The following LGR4 variants were observed in gnomAD, a reference collection of about 807,000 sequenced individuals.
LGR4 encodes the protein leucine rich repeat containing G protein-coupled receptor 4, also known as leucine-rich repeat-containing G protein-coupled receptor 4.
LGR4 carries 44 observed loss-of-function variants against 84.8 expected under a neutral mutation model. The ratio of observed to expected loss-of-function variants is 0.52; its 90% CI spans 0.41 to 0.67. The LOEUF (loss-of-function observed/expected upper bound fraction) is 0.67. Ranked by LOEUF, LGR4 falls within the 30% of genes least tolerant of loss-of-function variation. The pLI is 0.00. For missense variants in LGR4, 1,032 were observed against 1,131.4 expected, an observed-to-expected ratio of 0.91 and a Z score of 1.26; for synonymous variants, 429 against 434.3, an observed-to-expected ratio of 0.99 and a Z score of 0.15.
chr11:27,392,778 C>G (rs913898709), intron 2 of LGR4, among the ~76,000 whole-genome samples: 2 of 152,052 alleles, frequency 1.3e-5, no homozygotes, highest in Non-Finnish European at 2.9e-5. Context: ...GTCAAGCAAG[C>G]CAAAACACAT....
intron 1 of LGR4, among the ~76,000 whole-genome samples, chr11:27,419,074 C>T (rs1451863421): frequency 2.0e-5 from 3 of 152,010 alleles, no homozygotes; most frequent in African/African-American, 7.2e-5. Context: ...ACTTTAGTAC[C>T]TTTTAGGATA....
At chr11:27,373,914 C>T in intron 14 of LGR4, 61 bp downstream of exon 14, 1 of 1,196,688 alleles carries the variant, frequency 8.4e-7, no homozygotes, top group Non-Finnish European at 1.2e-6. Context: ...AATGTTAAAA[C>T]AGATGTTTCT....
chr11:27,398,205 G>A (rs16916967), intron 2 of LGR4, among the ~76,000 whole-genome samples: 4,921 of 152,254 alleles, frequency 0.032, 252 homozygotes, highest in African/African-American at 0.11. Context: ...GAAAATGCAG[G>A]AACTGCGCTG....
chr11:27,432,416 T>A (rs969114717), intron 1 of LGR4, among the ~76,000 whole-genome samples: 4 of 152,216 alleles, frequency 2.6e-5, no homozygotes, highest in African/African-American at 9.7e-5. Context: ...TACAGGAGAC[T>A]GGCTCACCTA....
chr11:27,428,984 A>G (rs3923010), intron 1 of LGR4, among the ~76,000 whole-genome samples: 66,900 of 151,980 alleles, frequency 0.44, 17,544 homozygotes, highest in African/African-American at 0.75. Flanking sequence ...AGTGTGTTGG[A>G]TCTGTTGGGT....
At chr11:27,450,418 A>G (rs1447803631) in intron 1 of LGR4, among the ~76,000 whole-genome samples, 2 of 152,168 alleles carry the variant, frequency 1.3e-5, no homozygotes, top group Non-Finnish European at 2.9e-5. Flanking sequence ...TTTCAATTCC[A>G]CAAACTTCCA....
At chr11:27,439,478 G>A (rs910636690) in intron 1 of LGR4, among the ~76,000 whole-genome samples, 2 of 152,172 alleles carry the variant, frequency 1.3e-5, no homozygotes, top group African/African-American at 4.8e-5. Context: ...ACCCATCAAT[G>A]GACATGTGGG....
intron 2 of LGR4, among the ~76,000 whole-genome samples, chr11:27,411,458 T>C (rs983995665): frequency 2.0e-5 from 3 of 151,950 alleles, no homozygotes; most frequent in African/African-American, 7.2e-5. Context: ...ACATTTGGTA[T>C]ATACTCTTCT....
intron 2 of LGR4, among the ~76,000 whole-genome samples, chr11:27,399,703 A>T (rs1433009844): frequency 6.6e-6 from 1 of 151,984 alleles, no homozygotes; most frequent in East Asian, 1.9e-4. Context: ...TACTTTTAGT[A>T]GAGACAGGTT....
chr11:27,429,389 G>A, intron 1 of LGR4, among the ~76,000 whole-genome samples: 1 of 151,990 alleles, frequency 6.6e-6, no homozygotes, highest in East Asian at 1.9e-4. Flanking sequence ...AGAGGCTGAG[G>A]CAGCAGAATC....
intron 1 of LGR4, among the ~76,000 whole-genome samples, chr11:27,467,460 C>T (rs1178076281): frequency 1.3e-5 from 2 of 150,822 alleles, no homozygotes; most frequent in African/African-American, 2.4e-5. Flanking sequence ...CCCAGCCACT[C>T]GGGAGGCTGA....
chr11:27,390,671 C>T (rs1863267272), intron 4 of LGR4, among the ~76,000 whole-genome samples: 1 of 152,026 alleles, frequency 6.6e-6, no homozygotes, highest in Non-Finnish European at 1.5e-5. Flanking sequence ...TTCATTTTTT[C>T]CGAGAAGTTC....
intron 1 of LGR4, among the ~76,000 whole-genome samples, chr11:27,455,061 G>A (rs1291370397): frequency 1.3e-5 from 2 of 151,884 alleles, no homozygotes; most frequent in African/African-American, 4.8e-5. Flanking sequence ...CTTTTTTCCA[G>A]GTCTCACTTT....
Position 27,372,337 on chromosome 11 carries a change from T to C in LGR4, c.1441A>G (p.Asn481Asp), listed in dbSNP as rs1244635679. Residue 481 changes from asparagine (N) to aspartate (D), a missense_variant, in exon 16 of 18, where the codon AAT becomes GAT. Transcript: ENST00000379214. ...AGGCTGTTATCTTCTGTGTTTAAAT[T>C]TGCATAAGAGTCACAACCCCAAAAT... ...CAFWGCDSYA[N>D]LNTEDNSLQD... 4 of 1,613,818 alleles carry C rather than the reference T, an allele frequency of 2.5e-6. No homozygotes were observed. Among genetic ancestry groups the C allele is most frequent in the East Asian group, 2.2e-5 (1 of 44,886 alleles).
At chr11:27,419,393 T>G (rs542487056) in intron 1 of LGR4, among the ~76,000 whole-genome samples, 43 of 151,864 alleles carry the variant, frequency 2.8e-4, no homozygotes, top group African/African-American at 9.9e-4. Flanking sequence ...TAAATTTTTT[T>G]TAAATAGCAG....
In LGR4 at chr11:27,367,064, A is replaced by G. The variant is rs1295877230; in HGVS notation, c.*803T>C. ...TACATGAAGCCACCAAATCCCTCAGATACTATTAAACCCCCACATTAGTTA... is the reference window on the plus strand; with the variant it reads ...TACATGAAGCCACCAAATCCCTCAGGTACTATTAAACCCCCACATTAGTTA... On this transcript the variant is annotated 3_prime_UTR_variant, in exon 18 of 18. Transcript: ENST00000379214. The G allele has an allele frequency of 6.6e-6, 1 of 152,200 alleles. No individual in the cohort carries two copies. Among genetic ancestry groups the G allele is most frequent in the East Asian group, 1.9e-4 (1 of 5,202 alleles). The allele number at this position is 152,200 out of a possible 1,614,324, so 9.4% of individuals were successfully genotyped here.
At chr11:27,387,883 G>C (rs2133375448) in intron 4 of LGR4, among the ~76,000 whole-genome samples, 1 of 152,240 alleles carries the variant, frequency 6.6e-6, no homozygotes, top group East Asian at 1.9e-4. Flanking sequence ...CAAGGAAAGT[G>C]GTCAGTGCCT....
rs1313914811 is a variant in LGR4 at position 27,367,105 on chromosome 11, C to T, written c.*762G>A. ...ACATTAGTTAGTAGTTTAGCCAAAT[C>T]GACTAAACCCACACAGCAATTAGCC... On this transcript the variant is annotated 3_prime_UTR_variant, in exon 18 of 18. Transcript: ENST00000379214. The T allele has an allele frequency of 2.0e-5, 3 of 152,148 alleles. No individual in the cohort carries two copies. Among genetic ancestry groups the T allele is most frequent in the African/African-American group, 4.8e-5 (2 of 41,444 alleles). The allele number at this position is 152,148 out of a possible 1,614,324, so 9.4% of individuals were successfully genotyped here. A position where few individuals can be genotyped will look rare whatever the true frequency, so the allele number is the denominator to read the frequency against.
At chr11:27,399,257 AG>A (rs1433717861) in intron 2 of LGR4, among the ~76,000 whole-genome samples, 1 of 152,064 alleles carries the variant, frequency 6.6e-6, no homozygotes, top group African/African-American at 2.4e-5. Context: ...AGACACACAT[AG>A]GAAGTATCAC....
Sources: allele counts gnomAD v4.1 joint callset (sites outside exome capture counted in the v4.1 genomes callset), GRCh38; gene constraint gnomAD v4.1.1; transcripts MANE v1.5; gene names NCBI Gene and HGNC (gene_info 2026-07-23, HGNC 2026-07-21).